HAUS7: variants seen among roughly 807,000 people sequenced by gnomAD.
HAUS7 encodes the protein HAUS augmin like complex subunit 7, also known as HAUS augmin-like complex subunit 7.
Under a neutral mutation model 28.4 loss-of-function variants are expected in HAUS7, and 3 were observed. The observed-to-expected ratio is 0.11, with a 90% CI of 0.05 to 0.27. The LOEUF (loss-of-function observed/expected upper bound fraction) is 0.27, where lower values mean the gene tolerates loss of function less well. Ranked by LOEUF, HAUS7 falls within the 10% of genes least tolerant of loss-of-function variation. The pLI, the probability that HAUS7 is intolerant of heterozygous loss-of-function variation, is 1.00. For synonymous variants in HAUS7, 165 were observed against 132.1 expected, an observed-to-expected ratio of 1.25 and a Z score of -1.71; for missense variants, 284 against 297.3, an observed-to-expected ratio of 0.96 and a Z score of 0.33.
At chrX:153,472,269 A>G (rs1602946242), upstream of HAUS7, among the ~76,000 whole-genome samples, 2 of 112,192 alleles carry the variant, frequency 1.8e-5, no homozygotes, top group South Asian at 7.4e-4. Flanking sequence ...TGGGACCCTG[A>G]GGAACTGGCA....
chrX:153,461,666 C>T (rs1238997988), intron 4 of HAUS7: 4 of 148,946 alleles, frequency 2.7e-5, no homozygotes, highest in Admixed American at 1.7e-4. Flanking sequence ...TGGGGAAATG[C>T]AAATCAAAAC....
At chrX:153,456,971 T>G (rs1381546801) in intron 5 of HAUS7, 166 bp downstream of exon 5, 8 of 457,901 alleles carry the variant, frequency 1.7e-5, no homozygotes, top group Non-Finnish European at 3.1e-5. Context: ...AGCTGCCCCT[T>G]GCCCGTATGC....
intron 4 of HAUS7, among the ~76,000 whole-genome samples, chrX:153,461,365 C>A (rs1426280506): frequency 9.0e-6 from 1 of 110,571 alleles, no homozygotes; most frequent in East Asian, 2.8e-4. Context: ...GACAAAGGAG[C>A]CCCCGTGTGC....
intron 1 of HAUS7, among the ~76,000 whole-genome samples, chrX:153,493,327 T>C (rs1308631879): frequency 8.9e-6 from 1 of 111,781 alleles, no homozygotes; most frequent in Admixed American, 9.5e-5. Flanking sequence ...AATGCTTCTC[T>C]CTCCACCCAG....
intron 1 of HAUS7, among the ~76,000 whole-genome samples, chrX:153,492,918 C>A (rs1202175556): frequency 1.8e-5 from 2 of 111,895 alleles, no homozygotes; most frequent in Admixed American, 9.5e-5. Flanking sequence ...TGAGTGACAG[C>A]TCCTGGGTTC....
intron 1 of HAUS7, among the ~76,000 whole-genome samples, chrX:153,476,197 C>A (rs2089562058): frequency 8.9e-6 from 1 of 112,516 alleles, no homozygotes; most frequent in Non-Finnish European, 1.9e-5. Context: ...AAATTGGGCC[C>A]AACCCTTTCT....
At chrX:153,486,166 A>T in intron 1 of HAUS7, 3 of 774,955 alleles carry the variant, frequency 3.9e-6, no homozygotes, top group Non-Finnish European at 5.0e-6. Flanking sequence ...CACACAGAGG[A>T]AGAGGTACCC....
At chrX:153,452,881 G>A (rs1043925545) in intron 9 of HAUS7, among the ~76,000 whole-genome samples, 1 of 111,757 alleles carries the variant, frequency 8.9e-6, no homozygotes, top group Admixed American at 9.5e-5. Flanking sequence ...CTACCCGGGA[G>A]GCTGAGGCAG....
At chrX:153,450,644 G>C (rs112543122) in intron 9 of HAUS7, among the ~76,000 whole-genome samples, 4,640 of 112,361 alleles carry the variant, frequency 0.041, 223 homozygotes, top group African/African-American at 0.14. Context: ...CAGGAAGCCT[G>C]GGGGGCGACT....
upstream of HAUS7, chrX:153,470,962 C>T (rs1402210667): frequency 1.8e-5 from 6 of 332,637 alleles, no homozygotes; most frequent in Admixed American, 3.1e-5. Flanking sequence ...AATGATGATG[C>T]GTTGAAGCGA....
chrX:153,488,407 C>T (rs1038798231), intron 1 of HAUS7, among the ~76,000 whole-genome samples: 4 of 113,074 alleles, frequency 3.5e-5, no homozygotes, highest in African/African-American at 9.6e-5. Context: ...TGCCTAGGAC[C>T]GGGGCCTGGG....
intron 9 of HAUS7, among the ~76,000 whole-genome samples, chrX:153,452,252 A>G (rs1304023953): frequency 8.9e-6 from 1 of 112,398 alleles, no homozygotes; most frequent in Non-Finnish European, 1.9e-5. Flanking sequence ...AGCCTTCCCT[A>G]CAGGAAATAC....
At chrX:153,470,877 G>A (rs782387224), upstream of HAUS7, 5 of 359,977 alleles carry the variant, frequency 1.4e-5, no homozygotes, top group South Asian at 1.3e-4. Context: ...CGGACACCGG[G>A]AAGGGGCGGG....
chrX:153,478,047 C>G (rs2089573350), intron 1 of HAUS7, among the ~76,000 whole-genome samples: 1 of 112,745 alleles, frequency 8.9e-6, no homozygotes, highest in South Asian at 3.6e-4. Context: ...TCCCTTCTCC[C>G]CTCCACCCAA....
At chrX:153,464,914 G>A in intron 3 of HAUS7, 74 bp downstream of exon 3, 1 of 720,505 alleles carries the variant, frequency 1.4e-6, no homozygotes, top group Non-Finnish European at 2.2e-6. Flanking sequence ...GAAAACGTTG[G>A]TCCAATGGAA....
chrX:153,474,773 T>A (rs190028027), upstream of HAUS7, among the ~76,000 whole-genome samples: 5,419 of 79,395 alleles, frequency 0.068, 165 homozygotes, highest in African/African-American at 0.088. Context: ...TGGCTGCGCG[T>A]GCACGCGGCT....
At chrX:153,483,312 A>G (rs2089613320) in intron 1 of HAUS7, 1 of 754,917 alleles carries the variant, frequency 1.3e-6, no homozygotes, top group African/African-American at 2.3e-5. Context: ...TAGGAGCTGC[A>G]CCTGGGCACC....
intron 9 of HAUS7, among the ~76,000 whole-genome samples, chrX:153,452,828 A>G (rs1377409592): frequency 9.0e-6 from 1 of 111,587 alleles, no homozygotes; most frequent in African/African-American, 3.3e-5. Context: ...ACTTAAAAAT[A>G]CAAAAATTAG....
rs1556983625 is a variant in HAUS7, at chrX:153,462,657, C to T, written c.307G>A (p.Gly103Ser). The T allele has an allele frequency of 3.3e-6, 4 of 1,204,728 alleles. No individual in the cohort carries two copies. Among genetic ancestry groups the T allele is most frequent in the Middle Eastern group, 2.3e-4 (1 of 4,357 alleles). The change falls in exon 4 of 10, where the codon GGC (glycine) becomes AGC (serine). Residue 103 changes from glycine (G) to serine (S), a missense_variant. By Grantham distance (56) the Gly-to-Ser change is moderately conservative (BLOSUM62 0). Transcript: ENST00000370211. ...EVKIQEMTKL[G>S]HELMLCAPDD... ...GGCGCACACAGCATCAGCTCGTGGC[C>T]CAGCTTCGTCATTTCTGTTGAAACA...
Sources: allele counts gnomAD v4.1 joint callset (sites outside exome capture counted in the v4.1 genomes callset), GRCh38; gene constraint gnomAD v4.1.1; transcripts MANE v1.5; gene names NCBI Gene and HGNC (gene_info 2026-07-23, HGNC 2026-07-21).